Variants in PCDHGB2 observed in about 807,000 individuals in gnomAD.
PCDHGB2 encodes the protein protocadherin gamma subfamily B, 2.
A neutral mutation model predicts 59.3 loss-of-function variants in PCDHGB2; 55 were observed. The observed-to-expected ratio is 0.93, with a 90% confidence interval of 0.75 to 1.16. PCDHGB2 has a LOEUF of 1.16. Among genes scored for constraint, PCDHGB2 ranks in the 50% most tolerant of loss-of-function variants. The pLI is 0.00. For synonymous variants in PCDHGB2, 516 were observed against 512.0 expected (o/e 1.01, Z -0.11); for missense variants, 1,228 against 1,198.5 (o/e 1.02, Z -0.36).
chr5:141,510,958 G>A lies in PCDHGB2; in HGVS notation c.2581G>A (p.Gly861Arg). 6.2e-7 allele frequency: 1 copy of A among 1,614,130 alleles called. No homozygotes were observed. Among genetic ancestry groups the A allele is most frequent in the Non-Finnish European group, 8.5e-7 (1 of 1,180,012 alleles). The change falls in exon 4 of 4, where the codon GGG becomes AGG. Residue 861 changes from glycine to arginine, a missense_variant. This residue lies in a region of PCDHGB2 where 433 missense variants were observed against 441.8 expected (regional missense o/e 0.98). Transcript: ENST00000522605. The stretch of plus-strand genomic sequence containing the variant: ...CTCTGTCTCTGCAGAAGCTGCTGAT[G>A]GGAGCTCCACCCTGGGAGGGGGTGC... ...ILASASEAAD[G>R]SSTLGGGAGT...
At chr5:141,376,418 C>T (rs1354597104) in intron 1 of PCDHGB2, 1 of 1,614,112 alleles carries the variant, frequency 6.2e-7, no homozygotes, top group Admixed American at 1.7e-5. Flanking sequence ...TGCCGACACG[C>T]TTATCAACCA....
At position 141,490,785 on chromosome 5, in the gene PCDHGB2, G is replaced by A. The variant is rs1021708826; in HGVS notation, c.2422-4022G>A. 1.2e-6 allele frequency: 2 copies of A among 1,614,066 alleles called. No individual in the cohort carries two copies. Among genetic ancestry groups the A allele is most frequent in the Non-Finnish European group, 1.7e-6 (2 of 1,179,952 alleles). On this transcript the variant is annotated intron_variant, in intron 1 of 3. Coordinates refer to ENST00000522605, the MANE Select transcript of PCDHGB2 (RefSeq NM_018923.3). The surrounding 1 kb of genome is among the most constrained non-coding windows in gnomAD (Gnocchi z 5.4). ...TGTATGTCAACCCAGAGGATGGACG[G>A]ATCTTTGCCCAGCGTACCTTTGACT...
intron 1 of PCDHGB2, chr5:141,402,869 C>G (rs1051518401): frequency 6.7e-5 from 97 of 1,448,564 alleles, no homozygotes; most frequent in Admixed American, 6.1e-4. Flanking sequence ...GAAAAGATCA[C>G]CATACTTTGC....
chr5:141,422,433 T>C, intron 1 of PCDHGB2: 2 of 1,609,628 alleles, frequency 1.2e-6, no homozygotes. Context: ...ATGGAAATTA[T>C]TACAAATTGA....
At chr5:141,398,949 C>T (rs749860900) in intron 1 of PCDHGB2, 1 of 1,613,948 alleles carries the variant, frequency 6.2e-7, no homozygotes, top group Non-Finnish European at 8.5e-7. Flanking sequence ...AGGGCATCAA[C>T]TCAGAAATTA....
At chr5:141,501,402 G>T (rs527659990) in intron 2 of PCDHGB2, among the ~76,000 whole-genome samples, 1 of 151,622 alleles carries the variant, frequency 6.6e-6, no homozygotes, top group African/African-American at 2.4e-5. Context: ...ACAGGCCACT[G>T]CTTGGAAAAT....
In PCDHGB2 at chr5:141,511,284, G is replaced by A; in HGVS notation, c.*111G>A. Reference sequence around the variant, plus strand: ...AGGGCTAACCCCCAGAATACTGGTAGGGGCCAAGGCCATGCTCCCCTTGGG... The same window carrying A: ...AGGGCTAACCCCCAGAATACTGGTAAGGGCCAAGGCCATGCTCCCCTTGGG... On this transcript the variant is annotated 3_prime_UTR_variant, in exon 4 of 4. Coordinates refer to ENST00000522605, the MANE Select transcript of PCDHGB2 (RefSeq NM_018923.3). 6.5e-7 allele frequency: 1 copy of A among 1,528,376 alleles called. No individual in the cohort carries two copies. The highest frequency in any genetic ancestry group is 1.4e-5 in the African/African-American group (1 of 72,796). The allele number at this position is 1,528,376 out of a possible 1,614,324, so 94.7% of individuals were successfully genotyped here.
intron 1 of PCDHGB2, among the ~76,000 whole-genome samples, chr5:141,456,736 G>A (rs1339661302): frequency 1.3e-5 from 2 of 151,924 alleles, no homozygotes; most frequent in Non-Finnish European, 2.9e-5. Context: ...AGGCTGAGGC[G>A]GGAGCATCAT....
chr5:141,468,983 AATT>A (rs958294955), intron 1 of PCDHGB2, among the ~76,000 whole-genome samples: 5 of 148,376 alleles, frequency 3.4e-5, no homozygotes, highest in Admixed American at 6.8e-5. Context: ...TGACTTCCAA[AATT>A]ATTGTTTTTG....
chr5:141,493,289 C>A lies in PCDHGB2; in HGVS notation c.2422-1518C>A, dbSNP rs925045650. On this transcript the variant is annotated intron_variant, in intron 1 of 3. Coordinates refer to ENST00000522605, the MANE Select transcript of PCDHGB2 (RefSeq NM_018923.3). This position sits in a 1 kb window ranked among gnomAD's most constrained non-coding sequence, Gnocchi z 4.3. The stretch of plus-strand genomic sequence containing the variant: ...CTTCACAGAGGTCAAGTGACTTGCT[C>A]AAGTTCACAGAGCAAGTAAGAGAGA... 6.6e-6 allele frequency among the ~76,000 whole-genome samples: 1 copy of A among 152,176 alleles called. No individual in the cohort carries two copies. Among genetic ancestry groups the A allele is most frequent in the East Asian group, 1.9e-4 (1 of 5,194 alleles).
chr5:141,436,414 A>G (rs1459862288), intron 1 of PCDHGB2, among the ~76,000 whole-genome samples: 1 of 152,234 alleles, frequency 6.6e-6, no homozygotes, highest in East Asian at 1.9e-4. Flanking sequence ...ATGAATGGAT[A>G]AACAAATAAT....
intron 1 of PCDHGB2, chr5:141,374,914 A>G: frequency 6.2e-7 from 1 of 1,613,906 alleles, no homozygotes; most frequent in African/African-American, 1.3e-5. Context: ...ACGGGGAAGT[A>G]ACTTATTCCT....
At chr5:141,488,951 A>G (rs2099680664) in intron 1 of PCDHGB2, among the ~76,000 whole-genome samples, 1 of 152,118 alleles carries the variant, frequency 6.6e-6, no homozygotes, top group Admixed American at 6.5e-5. Flanking sequence ...ATTGGTTGAG[A>G]GCACACAGAC....
chr5:141,372,480 T>C (rs777083908), intron 1 of PCDHGB2: 5 of 1,613,930 alleles, frequency 3.1e-6, no homozygotes, highest in African/African-American at 2.7e-5. Flanking sequence ...AGTAGTGGCG[T>C]TGGCCTTGAT....
Position 141,489,819 on chromosome 5 carries a change from G to T in PCDHGB2, c.2422-4988G>T. On this transcript the variant is annotated intron_variant, in intron 1 of 3. Transcript: ENST00000522605. This position sits in a 1 kb window ranked among gnomAD's most constrained non-coding sequence, Gnocchi z 4.5. ...TAAAAGATGGGAAGCCATTCCCAGA[G>T]CTGGTGCTAGAGCAGCAGCTGGATC... 6.2e-7 allele frequency: 1 copy of T among 1,614,190 alleles called. No homozygotes were observed.
intron 1 of PCDHGB2, chr5:141,468,541 A>G (rs1407685120): frequency 6.6e-6 from 1 of 152,076 alleles, no homozygotes. Context: ...GTTTCCTGAC[A>G]TATTTAACAT....
At chr5:141,371,401 A>G (rs776331475) in intron 1 of PCDHGB2, 4 of 1,614,018 alleles carry the variant, frequency 2.5e-6, no homozygotes, top group Admixed American at 3.3e-5. Flanking sequence ...GTACAGATAG[A>G]TATTTCAGAT....
intron 1 of PCDHGB2, chr5:141,422,569 G>A (rs1219842498): frequency 6.2e-7 from 1 of 1,613,984 alleles, no homozygotes; most frequent in Admixed American, 1.7e-5. Context: ...AGATGACAAC[G>A]ATAACCCTCC....
intron 1 of PCDHGB2, chr5:141,420,396 A>C: frequency 8.0e-7 from 1 of 1,250,930 alleles, no homozygotes; most frequent in Non-Finnish European, 1.1e-6. Context: ...ATATAGGTCA[A>C]ATTTATGGTT....
Sources: allele counts gnomAD v4.1 joint callset (sites outside exome capture counted in the v4.1 genomes callset), GRCh38; gene constraint gnomAD v4.1.1; regional missense constraint gnomAD v4.1.1; non-coding constraint Gnocchi (gnomAD v3.1); transcripts MANE v1.5; gene names NCBI Gene and HGNC (gene_info 2026-07-23, HGNC 2026-07-21).